MYO5B: variants seen among roughly 807,000 people sequenced by gnomAD.
MYO5B encodes unconventional myosin-Vb.
MYO5B carries 143 observed loss-of-function variants against 229.3 expected under a neutral mutation model. The ratio of observed to expected loss-of-function variants is 0.62; its 90% CI spans 0.54 to 0.72. The LOEUF is 0.72. Ranked by LOEUF, MYO5B falls within the 30% of genes least tolerant of loss-of-function variation. The pLI is 0.00. For missense variants in MYO5B, 2,321 were observed against 2,331.0 expected, an observed-to-expected ratio of 1.00 and a Z score of 0.09; for synonymous variants, 918 against 885.2, an observed-to-expected ratio of 1.04 and a Z score of -0.66.
chr18:49,911,325 C>A (rs990742666), intron 18 of MYO5B, among the ~76,000 whole-genome samples: 2 of 152,154 alleles, frequency 1.3e-5, no homozygotes, highest in Admixed American at 1.3e-4. Context: ...TTCAGTCAGG[C>A]TGGTGGGAAA....
intron 12 of MYO5B, among the ~76,000 whole-genome samples, chr18:49,955,173 T>C (rs1308098936): frequency 1.3e-5 from 2 of 152,216 alleles, no homozygotes; most frequent in Non-Finnish European, 2.9e-5. Flanking sequence ...ATGGTGCTAA[T>C]CTCTGCATCT....
intron 14 of MYO5B, among the ~76,000 whole-genome samples, chr18:49,943,673 G>A (rs1357850746): frequency 6.6e-6 from 1 of 152,172 alleles, no homozygotes; most frequent in Non-Finnish European, 1.5e-5. Flanking sequence ...TGCAACAAAT[G>A]TTGTGCTAGG....
At position 49,856,831 on chromosome 18, in the gene MYO5B, C is replaced by T; in HGVS notation, c.4004G>A (p.Gly1335Asp). The T allele has an allele frequency of 6.2e-7, 1 of 1,614,088 alleles. No individual in the cohort carries two copies. The highest frequency in any genetic ancestry group is 2.2e-5 in the East Asian group (1 of 44,896). The change falls in exon 30 of 40, where the codon GGC (glycine) becomes GAC (aspartate). Residue 1335 changes from glycine to aspartate, a missense_variant. Gly to Asp is a moderately conservative substitution (Grantham distance 94). Transcript: ENST00000285039. ...GTTCCACCTGGCAACTTGCTTTAGG[C>T]CTTGGTAGGCCAAGCCGAGTTCTCC... Reference protein sequence around the residue: ...EDGELGLAYQGLKQVARLLEA... With the variant: ...EDGELGLAYQDLKQVARLLEA...
Position 49,953,955 on chromosome 18 carries a change from GTGTGTGTGTGTA to G in MYO5B, c.1668+346_1668+357del, listed in dbSNP as rs1386547467. Among the ~76,000 whole-genome samples, 525 of 84,212 alleles carry G rather than the reference GTGTGTGTGTGTA, an allele frequency of 6.2e-3. 12 individuals are homozygous for G. The highest frequency in any genetic ancestry group is 0.022 in the African/African-American group (505 of 23,098). 55.2% of individuals were successfully genotyped at this position (84,212 alleles called of 152,430 possible). On this transcript the variant is annotated intron_variant, in intron 13 of 39. Transcript: ENST00000285039. Reference sequence around the variant, plus strand: ...GTGTAGACTATATATATACAGACATGTGTGTGTGTGTATGTGTGTGTGTATAGACTATATATA... The same window carrying G: ...GTGTAGACTATATATATACAGACATGTGTGTGTGTGTATAGACTATATATA...
intron 26 of MYO5B, among the ~76,000 whole-genome samples, chr18:49,873,013 T>C (rs1443218136): frequency 6.6e-6 from 1 of 152,220 alleles, no homozygotes; most frequent in East Asian, 1.9e-4. Context: ...GTTTCCCAAC[T>C]AAACTCTAAG....
chr18:50,150,331 G>T (rs1222312987), intron 1 of MYO5B, among the ~76,000 whole-genome samples: 1 of 143,840 alleles, frequency 7.0e-6, no homozygotes, highest in African/African-American at 2.6e-5. Flanking sequence ...TCCCATTACT[G>T]GGTATATACC....
At chr18:49,889,000 A>G (rs1267032890) in intron 22 of MYO5B, among the ~76,000 whole-genome samples, 1 of 152,218 alleles carries the variant, frequency 6.6e-6, no homozygotes, top group African/African-American at 2.4e-5. Flanking sequence ...CCTAGGGATT[A>G]TATCGCCAGA....
chr18:49,902,189 C>T (rs1260308987), intron 21 of MYO5B, among the ~76,000 whole-genome samples: 1 of 152,172 alleles, frequency 6.6e-6, no homozygotes, highest in Non-Finnish European at 1.5e-5. Flanking sequence ...TCCATGTCTT[C>T]GTCTTCTCTG....
intron 4 of MYO5B, among the ~76,000 whole-genome samples, chr18:50,009,187 G>A (rs1011069512): frequency 6.6e-6 from 1 of 152,156 alleles, no homozygotes; most frequent in African/African-American, 2.4e-5. Flanking sequence ...AGACCAGCCT[G>A]GCCAACATGG....
At chr18:49,956,295 C>T (rs1408701516) in intron 12 of MYO5B, among the ~76,000 whole-genome samples, 1 of 152,220 alleles carries the variant, frequency 6.6e-6, no homozygotes, top group Non-Finnish European at 1.5e-5. Context: ...ACAATCATGT[C>T]AGCTAGGTGC....
intron 21 of MYO5B, among the ~76,000 whole-genome samples, chr18:49,902,164 C>T (rs1052872663): frequency 1.1e-4 from 17 of 152,296 alleles, no homozygotes; most frequent in East Asian, 1.9e-4. Flanking sequence ...TCTTTCTGGA[C>T]GCTCTAGGGG....
chr18:49,978,442 C>A (rs547366219), intron 9 of MYO5B, among the ~76,000 whole-genome samples: 2 of 152,020 alleles, frequency 1.3e-5, no homozygotes, highest in Non-Finnish European at 2.9e-5. Flanking sequence ...TAGGTGTCCA[C>A]GGACTCCCCA....
At chr18:50,079,661 C>G (rs1469645061) in intron 1 of MYO5B, among the ~76,000 whole-genome samples, 3 of 152,118 alleles carry the variant, frequency 2.0e-5, no homozygotes, top group Non-Finnish European at 4.4e-5. Context: ...ACCTGCCACT[C>G]TCCAGCTCCT....
At chr18:50,181,993 T>C (rs2033079819) in intron 1 of MYO5B, among the ~76,000 whole-genome samples, 2 of 152,332 alleles carry the variant, frequency 1.3e-5, no homozygotes, top group Non-Finnish European at 2.9e-5. Flanking sequence ...CCTTAATGCT[T>C]ATTCATACGA....
rs529724624 is a variant in MYO5B at position 50,162,739 on chromosome 18, G to A, written c.27+32028C>T. ...TTTACACAGAATCCACTGCCTCTAA[G>A]TGCTGCACTGTGCCAACCTTTCTGA... On this transcript the variant is annotated intron_variant, in intron 1 of 39. Transcript: ENST00000285039. 1.2e-4 allele frequency among the ~76,000 whole-genome samples: 18 copies of A among 152,340 alleles called. No homozygotes were observed. In the South Asian group the frequency reaches 3.7e-3, roughly 32 times the overall value.
chr18:50,134,223 G>A (rs866346511), intron 1 of MYO5B, among the ~76,000 whole-genome samples: 47 of 152,054 alleles, frequency 3.1e-4, no homozygotes, highest in Admixed American at 1.6e-3. Flanking sequence ...GATAGACAGA[G>A]GCACATAAAA....
intron 1 of MYO5B, among the ~76,000 whole-genome samples, chr18:50,068,231 A>C (rs2030871276): frequency 6.6e-6 from 1 of 152,236 alleles, no homozygotes; most frequent in South Asian, 2.1e-4. Context: ...TAGATACTGA[A>C]ATATGTGCAC....
chr18:49,889,209 T>C (rs920316871), intron 22 of MYO5B, among the ~76,000 whole-genome samples: 4 of 152,232 alleles, frequency 2.6e-5, no homozygotes, highest in African/African-American at 9.6e-5. Flanking sequence ...AATCAAATAA[T>C]TCAATTTAGG....
intron 16 of MYO5B, among the ~76,000 whole-genome samples, chr18:49,934,842 G>C (rs1330124719): frequency 1.3e-5 from 2 of 152,208 alleles, no homozygotes; most frequent in Non-Finnish European, 2.9e-5. Context: ...CATGACCAGA[G>C]TGTAGAAGGC....
Sources: allele counts gnomAD v4.1 joint callset (sites outside exome capture counted in the v4.1 genomes callset), GRCh38; gene constraint gnomAD v4.1.1; transcripts MANE v1.5; gene names NCBI Gene and HGNC (gene_info 2026-07-23, HGNC 2026-07-21).